TTC7B: variants seen among roughly 807,000 people sequenced by gnomAD.
The protein encoded by TTC7B is tetratricopeptide repeat protein 7B.
Under a neutral mutation model 106.8 loss-of-function variants are expected in TTC7B, and 28 were observed. The observed-to-expected ratio is 0.26, with a 90% CI of 0.19 to 0.36. The LOEUF (loss-of-function observed/expected upper bound fraction) is 0.36. TTC7B is among the 10% of genes least tolerant of loss of function. TTC7B has a pLI of 1.00. For synonymous variants in TTC7B, 405 were observed against 430.6 expected, an observed-to-expected ratio of 0.94 and a Z score of 0.74; for missense variants, 862 against 1,076.4, an observed-to-expected ratio of 0.80 and a Z score of 2.79.
At chr14:90,703,416 C>T (rs1429630935) in intron 5 of TTC7B, among the ~76,000 whole-genome samples, 1 of 152,140 alleles carries the variant, frequency 6.6e-6, no homozygotes, top group African/African-American at 2.4e-5. Context: ...AGGAAAGTCC[C>T]TCCAAACGCA....
At chr14:90,720,153 A>T (rs1384416242) in intron 5 of TTC7B, among the ~76,000 whole-genome samples, 1 of 151,882 alleles carries the variant, frequency 6.6e-6, no homozygotes, top group Non-Finnish European at 1.5e-5. Context: ...AAACAATAAG[A>T]TCACCACTCC....
At chr14:90,637,117 A>G (rs531256757) in intron 15 of TTC7B, among the ~76,000 whole-genome samples, 19 of 152,074 alleles carry the variant, frequency 1.2e-4, no homozygotes, top group Non-Finnish European at 2.5e-4. Flanking sequence ...GAAAGGATCC[A>G]TGTAACAGAC....
At chr14:90,792,411 T>C (rs1434278270) in intron 1 of TTC7B, among the ~76,000 whole-genome samples, 1 of 152,058 alleles carries the variant, frequency 6.6e-6, no homozygotes. Context: ...ACCCTGTCCC[T>C]ACTAAAAATA....
intron 4 of TTC7B, among the ~76,000 whole-genome samples, chr14:90,739,532 C>T (rs1889675907): frequency 1.3e-5 from 2 of 152,188 alleles, no homozygotes; most frequent in Admixed American, 1.3e-4. Context: ...ACATAATCCA[C>T]TCAAGGCATG....
chr14:90,534,539 T>C lies in TTC7B; in HGVS notation c.*6829A>G, dbSNP rs1329294161. On this transcript the variant is annotated 3_prime_UTR_variant, in exon 20 of 20. Transcript: ENST00000328459. ...AGACACAGTTTACAGAACTTCAATA[T>C]GAGTGGTGTCCCCTCACTGGGCAAT... is the stretch of plus-strand genomic sequence containing the variant. 1 of 152,300 alleles carries C rather than the reference T, an allele frequency of 6.6e-6. No individual in the cohort carries two copies. Among genetic ancestry groups the C allele is most frequent in the Non-Finnish European group, 1.5e-5 (1 of 68,136 alleles). 9.4% of individuals were successfully genotyped at this position (152,300 alleles called of 1,614,324 possible). A position where few individuals can be genotyped will look rare whatever the true frequency, so the allele number is the denominator to read the frequency against.
chr14:90,691,118 T>C (rs1274552825), intron 6 of TTC7B, among the ~76,000 whole-genome samples: 2 of 152,194 alleles, frequency 1.3e-5, no homozygotes, highest in African/African-American at 4.8e-5. Flanking sequence ...GCTAATGACT[T>C]TTGCTGGAAA....
At position 90,610,893 on chromosome 14, in the gene TTC7B, A is replaced by C. The variant is rs932644821; in HGVS notation, c.1869-54T>G. ...ACCTGCAAGGTGGGAGGAGGGAAGG[A>C]AAGAGAGGCAACCAATACTGACTCC... On this transcript the variant is annotated intron_variant, in intron 16 of 19. Transcript: ENST00000328459. 3.2e-6 allele frequency: 4 copies of C among 1,256,454 alleles called. No individual in the cohort carries two copies. The African/African-American group carries it at 4.4e-5, about 14-fold the overall frequency. 77.8% of individuals were successfully genotyped at this position (1,256,454 alleles called of 1,614,324 possible).
intron 1 of TTC7B, 102 bp from the exon 2 acceptor site, chr14:90,786,430 G>T (rs902488076): frequency 7.0e-7 from 1 of 1,426,974 alleles, no homozygotes; most frequent in Non-Finnish European, 9.5e-7. Context: ...GAGGCTCCAG[G>T]CCCCCAGCAA....
Position 90,526,812 on chromosome 14 carries a change from T to C in TTC7B, c.*14556A>G, listed in dbSNP as rs1294551. The C allele has an allele frequency of 0.93, 141,827 of 152,188 alleles. 66,222 individuals are homozygous for C. Among genetic ancestry groups the C allele is most frequent in the African/African-American group, 0.98 (40,797 of 41,526 alleles). The allele number at this position is 152,188 out of a possible 1,614,324, so 9.4% of individuals were successfully genotyped here. A position where few individuals can be genotyped will look rare whatever the true frequency, so the allele number is the denominator to read the frequency against. On this transcript the variant is annotated 3_prime_UTR_variant, in exon 20 of 20. Coordinates refer to ENST00000328459, the MANE Select transcript of TTC7B (RefSeq NM_001010854.2). ...CCTTCCTCCATGATTGTAAGTTTCC[T>C]GAGGCCTCTCCAGCCATGCTGAACT... is the stretch of plus-strand genomic sequence containing the variant.
intron 4 of TTC7B, 70 bp downstream of exon 4, chr14:90,744,722 T>C: frequency 6.6e-7 from 1 of 1,520,470 alleles, no homozygotes; most frequent in Non-Finnish European, 9.0e-7. Flanking sequence ...TCCTAGAGAT[T>C]AATCTCAGTT....
intron 19 of TTC7B, among the ~76,000 whole-genome samples, chr14:90,553,722 C>A (rs1294582): frequency 0.44 from 66,730 of 152,092 alleles, 15,236 homozygotes; most frequent in Admixed American, 0.51. Flanking sequence ...GCCTTGGAGG[C>A]ATGGCGGATT....
chr14:90,579,343 C>T (rs756325844), intron 18 of TTC7B, among the ~76,000 whole-genome samples: 1 of 152,262 alleles, frequency 6.6e-6, no homozygotes, highest in Non-Finnish European at 1.5e-5. Flanking sequence ...AGGCCAGACC[C>T]TTCCTCAGCA....
chr14:90,792,366 CAGG>C (rs1409882611), intron 1 of TTC7B, among the ~76,000 whole-genome samples: 2 of 152,054 alleles, frequency 1.3e-5, no homozygotes, highest in Non-Finnish European at 2.9e-5. Flanking sequence ...CGCTTGAGGT[CAGG>C]AGTTCAAGAC....
At chr14:90,778,202 T>G (rs937446146) in intron 3 of TTC7B, among the ~76,000 whole-genome samples, 3 of 152,112 alleles carry the variant, frequency 2.0e-5, no homozygotes, top group Admixed American at 6.6e-5. Context: ...TGACTCTACC[T>G]GCACTCACAG....
chr14:90,667,568 G>A (rs1383036336), intron 9 of TTC7B, among the ~76,000 whole-genome samples: 1 of 152,122 alleles, frequency 6.6e-6, no homozygotes, highest in East Asian at 1.9e-4. Flanking sequence ...TATTACAAAA[G>A]TTGTACTCAT....
chr14:90,609,589 G>T (rs941758649), intron 17 of TTC7B, among the ~76,000 whole-genome samples: 1 of 152,170 alleles, frequency 6.6e-6, no homozygotes, highest in Non-Finnish European at 1.5e-5. Context: ...GGCAGAGCTG[G>T]GATGTGGCAC....
chr14:90,746,126 C>T (rs1023476609), intron 3 of TTC7B, among the ~76,000 whole-genome samples: 2 of 152,140 alleles, frequency 1.3e-5, no homozygotes, highest in Non-Finnish European at 2.9e-5. Flanking sequence ...CCCTCTCTTT[C>T]GATTTTCTGA....
At chr14:90,793,899 C>T (rs372561251) in intron 1 of TTC7B, among the ~76,000 whole-genome samples, 24 of 151,554 alleles carry the variant, frequency 1.6e-4, no homozygotes, top group African/African-American at 5.3e-4. Context: ...TGAGCCACCG[C>T]GCCCGGCCTT....
At chr14:90,763,583 T>C (rs1217197487) in intron 3 of TTC7B, among the ~76,000 whole-genome samples, 1 of 152,122 alleles carries the variant, frequency 6.6e-6, no homozygotes, top group Non-Finnish European at 1.5e-5. Flanking sequence ...TATTTGCAAA[T>C]GCCATGATCT....
Sources: allele counts gnomAD v4.1 joint callset (sites outside exome capture counted in the v4.1 genomes callset), GRCh38; gene constraint gnomAD v4.1.1; transcripts MANE v1.5; gene names NCBI Gene and HGNC (gene_info 2026-07-23, HGNC 2026-07-21).